Variants in LMCD1 observed in about 807,000 individuals in gnomAD.
LMCD1 encodes the protein LIM and cysteine-rich domains protein 1.
A neutral mutation model predicts 42.7 loss-of-function variants in LMCD1; 32 were observed. That is an observed-to-expected ratio of 0.75 (90% CI 0.57 to 1.01). LMCD1 has a LOEUF of 1.01. Ranked by LOEUF, LMCD1 falls within the 50% of genes least tolerant of loss-of-function variation. LMCD1 has a pLI of 0.00. For synonymous variants in LMCD1, 178 were observed against 184.9 expected (o/e 0.96, Z 0.30); for missense variants, 458 against 483.1 (o/e 0.95, Z 0.49).
Position 8,501,947 on chromosome 3 carries a change from G to T in LMCD1, c.9G>T (p.Lys3Asn). ...CCCCACCCCAGAAGAGGATGGCAAAGGTGGCTAAGGACCTCAACCCAGGAG... is the reference window on the plus strand; with the variant it reads ...CCCCACCCCAGAAGAGGATGGCAAATGTGGCTAAGGACCTCAACCCAGGAG... Reference protein sequence around the residue: MAKVAKDLNPGVK... With the variant: MANVAKDLNPGVK... The change falls in exon 1 of 6, where the codon AAG (lysine) becomes AAT (asparagine). Residue 3 changes from lysine (K) to asparagine (N), a missense_variant. Transcript: ENST00000157600. The T allele has an allele frequency of 6.3e-7, 1 of 1,593,994 alleles. No homozygotes were observed. The highest frequency in any genetic ancestry group is 8.5e-7 in the Non-Finnish European group (1 of 1,171,472).
At chr3:8,507,731 T>C (rs913785042) in intron 1 of LMCD1, among the ~76,000 whole-genome samples, 2 of 152,230 alleles carry the variant, frequency 1.3e-5, no homozygotes, top group Non-Finnish European at 2.9e-5. Context: ...ACTAAGAGTT[T>C]GAAACGACTT....
chr3:8,521,628 T>C (rs1245677027), intron 1 of LMCD1, among the ~76,000 whole-genome samples: 2 of 152,196 alleles, frequency 1.3e-5, no homozygotes, highest in South Asian at 4.1e-4. Flanking sequence ...ATCACCTCTT[T>C]GTCTATTTTT....
chr3:8,538,661 G>C (rs535224083), intron 3 of LMCD1, among the ~76,000 whole-genome samples: 2 of 152,300 alleles, frequency 1.3e-5, no homozygotes, highest in East Asian at 3.9e-4. Context: ...TTCCCAAATA[G>C]TCCTTCTCCA....
At chr3:8,563,357 T>G (rs1695073309) in intron 4 of LMCD1, among the ~76,000 whole-genome samples, 1 of 152,208 alleles carries the variant, frequency 6.6e-6, no homozygotes, top group Admixed American at 6.5e-5. Context: ...ACGGGAACAA[T>G]GTACCAGACA....
At chr3:8,561,031 ATGTT>A (rs1695025387) in intron 4 of LMCD1, among the ~76,000 whole-genome samples, 1 of 152,198 alleles carries the variant, frequency 6.6e-6, no homozygotes, top group South Asian at 2.1e-4. Flanking sequence ...CACCATTTTA[ATGTT>A]TATTTCCTCT....
In LMCD1 at chr3:8,569,972, C is replaced by G. The variant is rs551639475; in HGVS notation, c.*2374C>G. 7.8e-6 allele frequency: 1 copy of G among 127,844 alleles called. No homozygotes were observed. Among genetic ancestry groups the G allele is most frequent in the East Asian group, 2.3e-4 (1 of 4,436 alleles). 7.9% of individuals were successfully genotyped at this position (127,844 alleles called of 1,614,324 possible). A position where few individuals can be genotyped will look rare whatever the true frequency, so the allele number is the denominator to read the frequency against. On this transcript the variant is annotated 3_prime_UTR_variant, in exon 6 of 6. Coordinates refer to ENST00000157600, the MANE Select transcript of LMCD1 (RefSeq NM_014583.4). ...TCCAGCCTGGGTGACAGAGTGAGAC[C>G]CTGTTTCCAAAAAAAAAAAAAAAGG... is the stretch of plus-strand genomic sequence containing the variant.
At position 8,548,665 on chromosome 3, in the gene LMCD1, C is replaced by G. The variant is rs970714121; in HGVS notation, c.485C>G (p.Pro162Arg). ...CGCCGCCAGCTCATGCACCAGCTCCCCATCTATGACCAGGATCCCTCGCGC... is the reference window on the plus strand; with the variant it reads ...CGCCGCCAGCTCATGCACCAGCTCCGCATCTATGACCAGGATCCCTCGCGC... ...YRRRQLMHQL[P>R]IYDQDPSRCR... Residue 162 changes from proline to arginine, a missense_variant, in exon 4 of 6, where the codon CCC becomes CGC. Pro to Arg is a moderately radical substitution (Grantham distance 103). Coordinates refer to ENST00000157600, the MANE Select transcript of LMCD1 (RefSeq NM_014583.4). The G allele has an allele frequency of 1.9e-6, 3 of 1,614,074 alleles. No individual in the cohort carries two copies. The highest frequency in any genetic ancestry group is 2.5e-6 in the Non-Finnish European group (3 of 1,180,052).
Position 8,532,741 on chromosome 3 carries a change from C to T in LMCD1, c.47C>T (p.Ser16Phe), listed in dbSNP as rs1441774310. 6.2e-7 allele frequency: 1 copy of T among 1,613,844 alleles called. No homozygotes were observed. Among genetic ancestry groups the T allele is most frequent in the Admixed American group, 1.7e-5 (1 of 59,998 alleles). Reference sequence around the variant, plus strand: ...TCTTTTCTGTTCCTTTTCCAGATGTCCCTGGGCCAGCTGCAGTCAGCAAGA... The same window carrying T: ...TCTTTTCTGTTCCTTTTCCAGATGTTCCTGGGCCAGCTGCAGTCAGCAAGA... ...KDLNPGVKKM[S>F]LGQLQSARGV... The change falls in exon 2 of 6, where the codon TCC (serine) becomes TTC (phenylalanine). Residue 16 changes from serine to phenylalanine, a missense_variant. Coordinates refer to ENST00000157600, the MANE Select transcript of LMCD1 (RefSeq NM_014583.4).
chr3:8,508,248 G>C (rs1385465471), intron 1 of LMCD1, among the ~76,000 whole-genome samples: 1 of 152,122 alleles, frequency 6.6e-6, no homozygotes, highest in South Asian at 2.1e-4. Flanking sequence ...CTTGACATGT[G>C]CATTTCTACA....
intron 1 of LMCD1, among the ~76,000 whole-genome samples, chr3:8,512,897 A>G (rs2125012117): frequency 6.6e-6 from 1 of 152,288 alleles, no homozygotes; most frequent in East Asian, 1.9e-4. Flanking sequence ...TTAGTGGGAG[A>G]GGTAGGATTA....
rs948352641 is a variant in LMCD1, at chr3:8,569,508, C to A, written c.*1910C>A. The A allele has an allele frequency of 3.9e-5, 6 of 152,204 alleles. No individual in the cohort carries two copies. Among genetic ancestry groups the A allele is most frequent in the Admixed American group, 3.9e-4 (6 of 15,284 alleles). 9.4% of individuals were successfully genotyped at this position (152,204 alleles called of 1,614,324 possible). On this transcript the variant is annotated 3_prime_UTR_variant, in exon 6 of 6. Transcript: ENST00000157600. ...GCGGGGTGCACAAAAAGAACAGTGACCCCTACGCCCATAGATGTTACGGTC... is the reference window on the plus strand; with the variant it reads ...GCGGGGTGCACAAAAAGAACAGTGAACCCTACGCCCATAGATGTTACGGTC...
chr3:8,524,723 T>C (rs1329208621), intron 1 of LMCD1, among the ~76,000 whole-genome samples: 1 of 152,088 alleles, frequency 6.6e-6, no homozygotes, highest in Non-Finnish European at 1.5e-5. Flanking sequence ...CTTCACTCTG[T>C]CATCCAGGTT....
intron 1 of LMCD1, among the ~76,000 whole-genome samples, chr3:8,529,213 T>G (rs999766985): frequency 6.6e-6 from 1 of 152,218 alleles, no homozygotes; most frequent in African/African-American, 2.4e-5. Flanking sequence ...GTGTTGAAGA[T>G]AGCGGGGTCT....
chr3:8,526,887 G>C (rs1694312664), intron 1 of LMCD1, among the ~76,000 whole-genome samples: 1 of 152,214 alleles, frequency 6.6e-6, no homozygotes, highest in Admixed American at 6.6e-5. Flanking sequence ...AGAGTCGGCA[G>C]GTTTTAAGTT....
intron 1 of LMCD1, among the ~76,000 whole-genome samples, chr3:8,502,326 TATA>T (rs1322872271): frequency 0.04 from 1,078 of 26,908 alleles, 23 homozygotes; most frequent in East Asian, 0.21. Context: ...ATATATTATA[TATA>T]ATATATATTA....
intron 4 of LMCD1, among the ~76,000 whole-genome samples, chr3:8,559,794 A>G (rs1201445749): frequency 1.3e-5 from 2 of 152,228 alleles, no homozygotes; most frequent in South Asian, 2.1e-4. Context: ...GCTTAGAGGC[A>G]AGAAGAGCAC....
At chr3:8,512,207 C>T (rs949717314) in intron 1 of LMCD1, among the ~76,000 whole-genome samples, 1 of 152,170 alleles carries the variant, frequency 6.6e-6, no homozygotes, top group Non-Finnish European at 1.5e-5. Context: ...GGAAGCAAAC[C>T]AGCATTCTGA....
chr3:8,552,535 T>G (rs917334775), intron 4 of LMCD1, among the ~76,000 whole-genome samples: 6 of 152,318 alleles, frequency 3.9e-5, no homozygotes, highest in Middle Eastern at 3.4e-3. Context: ...GGGTGGAGCC[T>G]TAGCATGTGC....
Position 8,567,439 on chromosome 3 carries a change from G to A in LMCD1, c.940-1G>A, listed in dbSNP as rs1559359361. The stretch of plus-strand genomic sequence containing the variant: ...TGCATTTCTCCTGCTCCCCTCCCCA[G>A]ATAATATTCGCTGAGGACTACCAGC... On this transcript the variant is annotated splice_acceptor_variant, in intron 5 of 5. Coordinates refer to ENST00000157600, the MANE Select transcript of LMCD1 (RefSeq NM_014583.4). LOFTEE classifies it high-confidence loss of function. The A allele has an allele frequency of 6.2e-7, 1 of 1,613,670 alleles. No homozygotes were observed. The highest frequency in any genetic ancestry group is 2.2e-5 in the East Asian group (1 of 44,864).
Sources: allele counts gnomAD v4.1 joint callset (sites outside exome capture counted in the v4.1 genomes callset), GRCh38; gene constraint gnomAD v4.1.1; transcripts MANE v1.5; gene names NCBI Gene and HGNC (gene_info 2026-07-23, HGNC 2026-07-21).